Variants in BIN1 observed in about 807,000 individuals in gnomAD.
The protein encoded by BIN1 is myc box-dependent-interacting protein 1.
In BIN1, 53 loss-of-function variants were observed where a neutral mutation model predicts 82.0. That is an observed-to-expected ratio of 0.65 (90% CI 0.52 to 0.81). The LOEUF is 0.81. BIN1 is among the 40% of genes least tolerant of loss of function. The probability of loss-of-function intolerance (pLI) is 0.00; values close to 1 mark genes in which losing one functional copy is unlikely to be tolerated. For missense variants in BIN1, 642 were observed against 784.4 expected, an observed-to-expected ratio of 0.82 and a Z score of 2.17; for synonymous variants, 302 against 328.0, an observed-to-expected ratio of 0.92 and a Z score of 0.86.
In BIN1 at chr2:127,050,410, C is replaced by G; in HGVS notation, c.1674+11G>C. 1 of 1,613,984 alleles carries G rather than the reference C, an allele frequency of 6.2e-7. No individual in the cohort carries two copies. Among genetic ancestry groups the G allele is most frequent in the Non-Finnish European group, 8.5e-7 (1 of 1,179,970 alleles). On this transcript the variant is annotated intron_variant, in intron 18 of 18. Transcript: ENST00000316724. Reference sequence around the variant, plus strand: ...TCCCCCTGCGCTCTGGCGGCCCCACCCAGCCCTCACCTGCTCTTCAGGGTT... The same window carrying G: ...TCCCCCTGCGCTCTGGCGGCCCCACGCAGCCCTCACCTGCTCTTCAGGGTT...
At chr2:127,077,669 T>C (rs1423963167) in intron 1 of BIN1, among the ~76,000 whole-genome samples, 2 of 148,910 alleles carry the variant, frequency 1.3e-5, no homozygotes, top group Non-Finnish European at 3.0e-5. Flanking sequence ...TGGGGCACGG[T>C]AGGAAAGAGC....
chr2:127,079,930 G>A (rs1242018983), intron 1 of BIN1, among the ~76,000 whole-genome samples: 1 of 152,226 alleles, frequency 6.6e-6, no homozygotes, highest in Non-Finnish European at 1.5e-5. Context: ...GCAAGCCTGA[G>A]GCTGAGCCAG....
intron 17 of BIN1, 90 bp downstream of exon 17, chr2:127,050,712 G>A: frequency 6.8e-7 from 1 of 1,477,418 alleles, no homozygotes; most frequent in South Asian, 1.1e-5. Context: ...GCACAACTTT[G>A]GGCAAACCAC....
chr2:127,052,878 A>G, intron 14 of BIN1: 1 of 243,462 alleles, frequency 4.1e-6, no homozygotes, highest in Non-Finnish European at 8.1e-6. Context: ...CTGAGCTATC[A>G]GGTGACAGTG....
intron 1 of BIN1, among the ~76,000 whole-genome samples, chr2:127,105,409 C>T (rs981439553): frequency 6.6e-6 from 1 of 151,926 alleles, no homozygotes; most frequent in Non-Finnish European, 1.5e-5. Context: ...CTGCCACCCC[C>T]CCACCCCACA....
chr2:127,054,162 C>A, intron 12 of BIN1, 150 bp from the exon 13 acceptor site: 1 of 688,048 alleles, frequency 1.5e-6, no homozygotes, highest in African/African-American at 1.8e-5. Context: ...TACACGCACA[C>A]ACGCTGGCAC....
Position 127,070,233 on chromosome 2 carries a change from TG to T in BIN1, c.316-144del, listed in dbSNP as rs571533230. ...AGCCTCAGTTTCCCCATCTGTAAGA[TG>T]GGGGCAAATGTTCCTGCCCTATTGG... On this transcript the variant is annotated intron_variant, in intron 4 of 18. Coordinates refer to ENST00000316724, the MANE Select transcript of BIN1 (RefSeq NM_139343.3). The T allele has an allele frequency of 5.6e-4, 409 of 731,442 alleles. 2 individuals are homozygous for T. The South Asian group carries it at 6.1e-3, about 11-fold the overall frequency. 45.3% of individuals were successfully genotyped at this position (731,442 alleles called of 1,614,324 possible).
intron 2 of BIN1, among the ~76,000 whole-genome samples, chr2:127,075,412 C>T (rs1481580552): frequency 6.6e-6 from 1 of 152,302 alleles, no homozygotes; most frequent in East Asian, 1.9e-4. Flanking sequence ...CTTGTTCAAG[C>T]CTCTATTCTG....
intron 2 of BIN1, among the ~76,000 whole-genome samples, chr2:127,072,266 C>G (rs1316665082): frequency 1.3e-5 from 2 of 152,246 alleles, no homozygotes; most frequent in Non-Finnish European, 2.9e-5. Flanking sequence ...CCTCTTCTGT[C>G]TCCCCACTAC....
chr2:127,071,565 T>C (rs1329227289), intron 2 of BIN1, among the ~76,000 whole-genome samples: 3 of 152,104 alleles, frequency 2.0e-5, no homozygotes, highest in Non-Finnish European at 4.4e-5. Context: ...GGGCCAGGCC[T>C]CAAGTCCCTC....
Position 127,070,096 on chromosome 2 carries a change from AC to A in BIN1, c.316-7del. On this transcript the variant is annotated splice_region_variant and splice_polypyrimidine_tract_variant and intron_variant, in intron 4 of 18. Transcript: ENST00000316724. Reference sequence around the variant, plus strand: ...ATCCACAGCAGGTCGTTGTTCTGAGACAGGCAAGAGCACGACAGTGCCACCA... The same window carrying A: ...ATCCACAGCAGGTCGTTGTTCTGAGAAGGCAAGAGCACGACAGTGCCACCA... 1 of 1,613,598 alleles carries A rather than the reference AC, an allele frequency of 6.2e-7. No homozygotes were observed. Among genetic ancestry groups the A allele is most frequent in the Non-Finnish European group, 8.5e-7 (1 of 1,179,806 alleles).
Position 127,076,672 on chromosome 2 carries a change from T to G in BIN1, c.119A>C (p.Lys40Thr), listed in dbSNP as rs781496643. 1 of 1,614,154 alleles carries G rather than the reference T, an allele frequency of 6.2e-7. No individual in the cohort carries two copies. The highest frequency in any genetic ancestry group is 8.5e-7 in the Non-Finnish European group (1 of 1,180,028). The part of the protein sequence containing the change: ...LQKLGKADET[K>T]DEQFEQCVQN... ...GACGCACTGCTCAAACTGCTCATCC[T>G]TGGTCTCATCTGCCTTCCCCAGCTT... The change falls in exon 2 of 19, where the codon AAG becomes ACG. Residue 40 changes from lysine (K) to threonine (T), a missense_variant. Transcript: ENST00000316724.
In BIN1 at chr2:127,067,537, G is replaced by A. The variant is rs1685302448; in HGVS notation, c.612+626C>T. Among the ~76,000 whole-genome samples, 1 of 152,164 alleles carries A rather than the reference G, an allele frequency of 6.6e-6. No homozygotes were observed. The highest frequency in any genetic ancestry group is 1.5e-5 in the Non-Finnish European group (1 of 68,024). On this transcript the variant is annotated intron_variant, in intron 7 of 18. Transcript: ENST00000316724. This position sits in a 1 kb window ranked among gnomAD's most constrained non-coding sequence, Gnocchi z 4.7. ...CACTTGCCCTCCATGAATCCCCAAA[G>A]GCCAAGGACCCATGCTTCCCCTCCA...
In BIN1 at chr2:127,051,011, C is replaced by T. The variant is rs567778570; in HGVS notation, c.1462-99G>A. The T allele has an allele frequency of 1.1e-4, 166 of 1,496,298 alleles. No homozygotes were observed. The South Asian group carries it at 1.6e-3, about 15-fold the overall frequency. 92.7% of individuals were successfully genotyped at this position (1,496,298 alleles called of 1,614,324 possible). On this transcript the variant is annotated intron_variant, in intron 16 of 18. Coordinates refer to ENST00000316724, the MANE Select transcript of BIN1 (RefSeq NM_139343.3). ...GGCGGGGAGGGGAGAAAGGTGTCTG[C>T]GCCTGGTGCCAGACCGGCCCGCCTC...
chr2:127,072,836 T>C lies in BIN1; in HGVS notation c.166-2020A>G, dbSNP rs530191117. 5.2e-4 allele frequency among the ~76,000 whole-genome samples: 79 copies of C among 152,116 alleles called. No individual in the cohort carries two copies. The South Asian group carries it at 0.015, about 30-fold the overall frequency. On this transcript the variant is annotated intron_variant, in intron 2 of 18. Coordinates refer to ENST00000316724, the MANE Select transcript of BIN1 (RefSeq NM_139343.3). ...CGCGGGGCCGGGGAATGAGGAAGGG[T>C]CCACCTCACTCCTGACACAGCCACC... is the stretch of plus-strand genomic sequence containing the variant.
At chr2:127,048,873 G>A (rs1054990952) in intron 18 of BIN1, among the ~76,000 whole-genome samples, 20 of 152,344 alleles carry the variant, frequency 1.3e-4, no homozygotes, top group East Asian at 9.6e-4. Context: ...CTAACCATTC[G>A]TGGCTGGTTT....
intron 1 of BIN1, among the ~76,000 whole-genome samples, chr2:127,095,616 C>T (rs775699042): frequency 6.6e-6 from 1 of 152,234 alleles, no homozygotes; most frequent in Non-Finnish European, 1.5e-5. Context: ...CTTCTTACCA[C>T]CTCCTTCCCA....
At chr2:127,065,653 A>C (rs1029174984) in intron 7 of BIN1, among the ~76,000 whole-genome samples, 2 of 152,250 alleles carry the variant, frequency 1.3e-5, no homozygotes, top group South Asian at 2.1e-4. Context: ...CCTCTCCATG[A>C]GGATGCAGCC....
rs191904784 is a variant in BIN1, at chr2:127,082,649, G to A, written c.85-5943C>T. 7.2e-5 allele frequency among the ~76,000 whole-genome samples: 11 copies of A among 152,230 alleles called. 1 individual carries two copies. Among genetic ancestry groups the A allele is most frequent in the Admixed American group, 4.6e-4 (7 of 15,298 alleles). Reference sequence around the variant, plus strand: ...AGGGAGCCAGTCTGAGGACAGTCCCGCAGATCCCATAGTCACCTAGTTCCC... The same window carrying A: ...AGGGAGCCAGTCTGAGGACAGTCCCACAGATCCCATAGTCACCTAGTTCCC... On this transcript the variant is annotated intron_variant, in intron 1 of 18. Coordinates refer to ENST00000316724, the MANE Select transcript of BIN1 (RefSeq NM_139343.3). The surrounding 1 kb of genome is among the most constrained non-coding windows in gnomAD (Gnocchi z 6.1).
Sources: gnomAD v4.1 joint callset for allele counts (sites outside exome capture counted in the v4.1 genomes callset) on GRCh38, gnomAD v4.1.1 for gene constraint, Gnocchi (gnomAD v3.1) non-coding constraint, MANE v1.5 for transcripts, NCBI Gene and HGNC (gene_info 2026-07-23, HGNC 2026-07-21) for gene names.